Variants in YTHDF2 observed in about 807,000 individuals in gnomAD.
The protein encoded by YTHDF2 is YTH N6-methyladenosine RNA binding protein F2.
A neutral mutation model predicts 50.4 loss-of-function variants in YTHDF2; 2 were observed. The observed-to-expected ratio is 0.04, with a 90% CI of 0.02 to 0.12. YTHDF2 has a LOEUF of 0.12. Among genes scored for constraint, YTHDF2 ranks in the 10% least tolerant of loss-of-function variants. The pLI, the probability that YTHDF2 is intolerant of heterozygous loss-of-function variation, is 1.00. For missense variants in YTHDF2, 483 were observed against 722.6 expected (o/e 0.67, Z 3.80); for synonymous variants, 217 against 255.6 (o/e 0.85, Z 1.44).
At chr1:28,755,864 T>C (rs1378083941) in intron 4 of YTHDF2, among the ~76,000 whole-genome samples, 1 of 152,162 alleles carries the variant, frequency 6.6e-6, no homozygotes, top group East Asian at 1.9e-4. Context: ...TCTACAAATA[T>C]TCAAAAAATC....
chr1:28,738,933 C>T (rs1013011929), intron 3 of YTHDF2, among the ~76,000 whole-genome samples: 5 of 152,220 alleles, frequency 3.3e-5, no homozygotes, highest in African/African-American at 9.6e-5. Context: ...TGATAACACT[C>T]TACTGGCAGT....
At chr1:28,757,404 G>C (rs2088049407) in intron 4 of YTHDF2, among the ~76,000 whole-genome samples, 1 of 149,784 alleles carries the variant, frequency 6.7e-6, no homozygotes, top group Non-Finnish European at 1.5e-5. Context: ...GATATAGAGT[G>C]GGAAGGGACA....
intron 4 of YTHDF2, among the ~76,000 whole-genome samples, chr1:28,747,346 C>G (rs760658583): frequency 1.3e-5 from 2 of 151,464 alleles, no homozygotes; most frequent in African/African-American, 4.9e-5. Flanking sequence ...CCGAGGCGAG[C>G]AGATCACGAT....
intron 4 of YTHDF2, among the ~76,000 whole-genome samples, chr1:28,762,125 G>T (rs1279300435): frequency 6.6e-6 from 1 of 152,220 alleles, no homozygotes; most frequent in Non-Finnish European, 1.5e-5. Context: ...GGGCGTGGTG[G>T]CTCACGCTTG....
In YTHDF2 at chr1:28,737,076, TGAG is replaced by T; in HGVS notation, c.-41_-39del. 2.5e-6 allele frequency: 4 copies of T among 1,575,676 alleles called. No homozygotes were observed. The highest frequency in any genetic ancestry group is 3.4e-6 in the Non-Finnish European group (4 of 1,162,724). ...GGCTCATCTGCCGCCGCCGCCGCGC[TGAG>T]GAGAGTTCGCCGCCGTCGCCGCCCG... On this transcript the variant is annotated 5_prime_UTR_variant, in exon 1 of 5. Transcript: ENST00000373812.
rs778085266 is a variant in YTHDF2 at position 28,743,941 on chromosome 1, C to T, written c.1671C>T (p.Phe557=). The T allele has an allele frequency of 6.3e-7, 1 of 1,574,990 alleles. No homozygotes were observed. The highest frequency in any genetic ancestry group is 1.2e-5 in the South Asian group (1 of 85,130). Reference sequence around the variant, plus strand: ...ACACCACTTCCATTTTTGATGACTTCTCACACTATGAGAAACGCCAAGAGG... The same window carrying T: ...ACACCACTTCCATTTTTGATGACTTTTCACACTATGAGAAACGCCAAGAGG... The part of the protein sequence containing the change: ...YKHTTSIFDD[F]SHYEKRQEEE... Residue 557 remains phenylalanine (F), a synonymous_variant, in exon 4 of 5, where the codon TTC becomes TTT. Transcript: ENST00000373812. This position sits in a 1 kb window ranked among gnomAD's most constrained non-coding sequence, Gnocchi z 6.9.
At chr1:28,745,730 C>G (rs370078142) in intron 4 of YTHDF2, among the ~76,000 whole-genome samples, 1 of 113,076 alleles carries the variant, frequency 8.8e-6, no homozygotes, top group Non-Finnish European at 2.0e-5. Context: ...CCCCGCCCCC[C>G]CCCCCCAAAA....
intron 4 of YTHDF2, among the ~76,000 whole-genome samples, chr1:28,754,984 A>AG (rs1478515114): frequency 7.1e-5 from 9 of 127,500 alleles, no homozygotes; most frequent in East Asian, 2.1e-4. Flanking sequence ...AAAAAAAAAA[A>AG]GGGGTGGGAG....
intron 4 of YTHDF2, among the ~76,000 whole-genome samples, chr1:28,754,901 T>TG (rs2124191582): frequency 7.4e-6 from 1 of 135,138 alleles, no homozygotes; most frequent in South Asian, 2.3e-4. Flanking sequence ...CACTTGAACC[T>TG]GGGAGGCAGA....
chr1:28,764,850 TTTTTTTGTTTTTTG>T (rs974264974), intron 4 of YTHDF2, among the ~76,000 whole-genome samples: 29 of 152,152 alleles, frequency 1.9e-4, no homozygotes, highest in African/African-American at 6.3e-4. Flanking sequence ...GGCCTTAATG[TTTTTTTGTTTTTTG>T]TTTTTTGTTT....
chr1:28,739,552 G>C (rs552928523), intron 3 of YTHDF2, among the ~76,000 whole-genome samples: 2 of 151,606 alleles, frequency 1.3e-5, no homozygotes, highest in South Asian at 2.1e-4. Context: ...CGCCCTCCTC[G>C]ACCTCTCAGA....
At chr1:28,749,179 CTTTT>C (rs60729215) in intron 4 of YTHDF2, among the ~76,000 whole-genome samples, 1,775 of 107,404 alleles carry the variant, frequency 0.017, 11 homozygotes, top group Non-Finnish European at 0.022. Flanking sequence ...TTCTTTCTTC[CTTTT>C]TTTTTTTTTT....
intron 4 of YTHDF2, among the ~76,000 whole-genome samples, 164 bp from the exon 5 acceptor site, chr1:28,768,760 CAAAGT>C (rs1375097475): frequency 1.3e-5 from 2 of 152,084 alleles, no homozygotes; most frequent in Non-Finnish European, 2.9e-5. Flanking sequence ...GTGTTTAAAA[CAAAGT>C]AAAAGCCAGT....
chr1:28,742,170 C>T (rs919426564), intron 3 of YTHDF2, among the ~76,000 whole-genome samples: 1 of 151,730 alleles, frequency 6.6e-6, no homozygotes, highest in Non-Finnish European at 1.5e-5. Context: ...CTGCCTCAGG[C>T]CTCCCAAGTA....
chr1:28,737,500 C>T (rs2087712087), intron 1 of YTHDF2, 158 bp from the exon 2 acceptor site: 1 of 1,030,610 alleles, frequency 9.7e-7, no homozygotes, highest in Non-Finnish European at 1.4e-6. Context: ...GCGCTTTCCC[C>T]CGCCTCCCAT....
intron 4 of YTHDF2, among the ~76,000 whole-genome samples, chr1:28,768,064 T>C (rs2088245483): frequency 6.6e-6 from 1 of 151,576 alleles, no homozygotes; most frequent in Admixed American, 6.6e-5. Context: ...TAGCCAGGCA[T>C]GGTGGCGGCG....
At chr1:28,747,827 T>C (rs1227890142) in intron 4 of YTHDF2, among the ~76,000 whole-genome samples, 1 of 151,398 alleles carries the variant, frequency 6.6e-6, no homozygotes, top group Non-Finnish European at 1.5e-5. Context: ...TACTCTCTTG[T>C]AAGAACTGCT....
Position 28,743,613 on chromosome 1 carries a change from C to T in YTHDF2, c.1343C>T (p.Ser448Phe), listed in dbSNP as rs2087812562. The T allele has an allele frequency of 4.3e-6, 7 of 1,614,028 alleles. No homozygotes were observed. Among genetic ancestry groups the T allele is most frequent in the African/African-American group, 1.3e-5 (1 of 74,922 alleles). The change falls in exon 4 of 5, where the codon TCC (serine) becomes TTC (phenylalanine). Residue 448 changes from serine (S) to phenylalanine (F), a missense_variant. This residue lies in a region of YTHDF2 where 59 missense variants were observed against 168.9 expected (regional missense o/e 0.35). Coordinates refer to ENST00000373812, the MANE Select transcript of YTHDF2 (RefSeq NM_016258.3). This position sits in a 1 kb window ranked among gnomAD's most constrained non-coding sequence, Gnocchi z 6.9. Reference protein sequence around the residue: ...GNKRLDAAYRSMNGKGPVYLL... With the variant: ...GNKRLDAAYRFMNGKGPVYLL... ...AAGAGACTGGATGCTGCTTATCGTT[C>T]CATGAACGGGAAAGGCCCCGTTTAC...
chr1:28,743,632 C>T lies in YTHDF2; in HGVS notation c.1362C>T (p.Pro454=), dbSNP rs201158498. 3.0e-4 allele frequency: 485 copies of T among 1,614,026 alleles called. No individual in the cohort carries two copies. Among genetic ancestry groups the T allele is most frequent in the African/African-American group, 4.1e-4 (31 of 74,908 alleles). The change falls in exon 4 of 5, where the codon CCC becomes CCT. Residue 454 remains proline, a synonymous_variant. Transcript: ENST00000373812. This position sits in a 1 kb window ranked among gnomAD's most constrained non-coding sequence, Gnocchi z 6.9. The part of the protein sequence containing the change: ...AAYRSMNGKG[P]VYLLFSVNGS... ...ATCGTTCCATGAACGGGAAAGGCCC[C>T]GTTTACTTACTTTTCAGTGTCAACG...
Sources: allele counts gnomAD v4.1 joint callset (sites outside exome capture counted in the v4.1 genomes callset), GRCh38; gene constraint gnomAD v4.1.1; regional missense constraint gnomAD v4.1.1; non-coding constraint Gnocchi (gnomAD v3.1); transcripts MANE v1.5; gene names NCBI Gene and HGNC (gene_info 2026-07-23, HGNC 2026-07-21).